The following GPSM1 variants were observed in gnomAD, a reference collection of about 807,000 sequenced individuals.
The protein encoded by GPSM1 is G protein signaling modulator 1, also known as G protein-signaling modulator 1.
Under a neutral mutation model 70.5 loss-of-function variants are expected in GPSM1, and 48 were observed. The ratio of observed to expected loss-of-function variants is 0.68; its 90% CI spans 0.54 to 0.87. The LOEUF (loss-of-function observed/expected upper bound fraction) is 0.87, where lower values mean the gene tolerates loss of function less well. Among genes scored for constraint, GPSM1 ranks in the 40% least tolerant of loss-of-function variants. The pLI is 0.00. For synonymous variants in GPSM1, 416 were observed against 430.1 expected (o/e 0.97, Z 0.41); for missense variants, 981 against 972.6 (o/e 1.01, Z -0.11).
chr9:136,346,124 G>C (rs1301460444), intron 9 of GPSM1, among the ~76,000 whole-genome samples: 2 of 152,132 alleles, frequency 1.3e-5, no homozygotes, highest in African/African-American at 4.8e-5. Context: ...TGGGCCCCAC[G>C]TGTGCCTCTG....
intron 1 of GPSM1, among the ~76,000 whole-genome samples, chr9:136,333,514 C>T (rs1032511631): frequency 6.6e-6 from 1 of 152,124 alleles, no homozygotes; most frequent in Non-Finnish European, 1.5e-5. Flanking sequence ...TGGCAGCTGA[C>T]GCACAGGGTG....
Position 136,343,426 on chromosome 9 carries a change from G to T in GPSM1, c.1207+2433G>T, listed in dbSNP as rs1267126989. Among the ~76,000 whole-genome samples, 1 of 152,238 alleles carries T rather than the reference G, an allele frequency of 6.6e-6. No individual in the cohort carries two copies. Among genetic ancestry groups the T allele is most frequent in the Non-Finnish European group, 1.5e-5 (1 of 68,050 alleles). On this transcript the variant is annotated intron_variant, in intron 9 of 13. Coordinates refer to ENST00000440944, the MANE Select transcript of GPSM1 (RefSeq NM_001145638.3). The surrounding 1 kb of genome is among the most constrained non-coding windows in gnomAD (Gnocchi z 6.0). Reference sequence around the variant, plus strand: ...TGGCCCTGCCTGTCCCACAGGATGTGCGACTGCCCTCGGCCCTGCTGACCG... The same window carrying T: ...TGGCCCTGCCTGTCCCACAGGATGTTCGACTGCCCTCGGCCCTGCTGACCG...
intron 9 of GPSM1, among the ~76,000 whole-genome samples, chr9:136,348,207 C>T (rs1031456726): frequency 3.3e-5 from 5 of 152,328 alleles, no homozygotes; most frequent in Admixed American, 6.5e-5. Flanking sequence ...GAGGCCTTTG[C>T]GTCCCCGACC....
intron 9 of GPSM1, 43 bp from the exon 10 acceptor site, chr9:136,348,654 G>A (rs782513058): frequency 2.7e-6 from 4 of 1,483,822 alleles, no homozygotes; most frequent in South Asian, 2.4e-5. Flanking sequence ...CCAATGCGAG[G>A]TGCCAGGGTG....
intron 9 of GPSM1, among the ~76,000 whole-genome samples, chr9:136,348,402 C>T (rs549922439): frequency 2.8e-3 from 430 of 152,282 alleles, no homozygotes; most frequent in African/African-American, 9.9e-3. Flanking sequence ...GCCCTGTGTG[C>T]GGCAGGGGAG....
intron 10 of GPSM1, 101 bp downstream of exon 10, chr9:136,348,868 C>G (rs1421813613): frequency 1.2e-5 from 10 of 867,194 alleles, no homozygotes; most frequent in Middle Eastern, 2.2e-4. Context: ...CAGCCCCTGT[C>G]TGCTGGGAGA....
rs782213161 is a variant in GPSM1 at position 136,358,136 on chromosome 9, G to A, written c.1944G>A (p.Gln648=). Residue 648 remains glutamine (Q), a synonymous_variant, in exon 14 of 14, where the codon CAG becomes CAA. Coordinates refer to ENST00000440944, the MANE Select transcript of GPSM1 (RefSeq NM_001145638.3). ...TGCAGGCTAAGCGCATGGACGAGCAGCGGGTGGACCTCGCCGGGGGCCCGG... is the reference window on the plus strand; with the variant it reads ...TGCAGGCTAAGCGCATGGACGAGCAACGGGTGGACCTCGCCGGGGGCCCGG... ...QRVQAKRMDE[Q]RVDLAGGPEQ... 1.1e-5 allele frequency: 17 copies of A among 1,610,266 alleles called. No individual in the cohort carries two copies. The highest frequency in any genetic ancestry group is 1.4e-5 in the Non-Finnish European group (16 of 1,178,720).
At chr9:136,353,486 CA>C (rs1832726170) in intron 11 of GPSM1, among the ~76,000 whole-genome samples, 1 of 152,196 alleles carries the variant, frequency 6.6e-6, no homozygotes, top group Non-Finnish European at 1.5e-5. Context: ...CCAGGAGCCC[CA>C]AACTATCCAG....
chr9:136,336,089 G>A lies in GPSM1; in HGVS notation c.414G>A (p.Glu138=), dbSNP rs1554769183. 6.2e-7 allele frequency: 1 copy of A among 1,611,368 alleles called. No homozygotes were observed. Among genetic ancestry groups the A allele is most frequent in the Non-Finnish European group, 8.5e-7 (1 of 1,179,852 alleles). The part of the protein sequence containing the change: ...CCQRHLSIAQ[E]QGDKVGEARA... The stretch of plus-strand genomic sequence containing the variant: ...AGCGGCATCTGAGCATCGCCCAAGA[G>A]CAGGGAGACAAGGTGGGGGCTTGGT... The change falls in exon 3 of 14, where the codon GAG becomes GAA. Residue 138 remains glutamate (E), a synonymous_variant. Transcript: ENST00000440944.
chr9:136,356,813 CCCT>C (rs1242300519), intron 13 of GPSM1, among the ~76,000 whole-genome samples: 2 of 152,196 alleles, frequency 1.3e-5, no homozygotes, highest in Non-Finnish European at 2.9e-5. Context: ...TGTGCCACCC[CCCT>C]GCCATGCAGG....
chr9:136,331,902 C>T, intron 1 of GPSM1: 1 of 397,478 alleles, frequency 2.5e-6, no homozygotes, highest in East Asian at 3.6e-5. Flanking sequence ...ACCCACCATC[C>T]TGGAGGTCAG....
chr9:136,339,908 C>T, intron 8 of GPSM1, 93 bp downstream of exon 8: 1 of 762,998 alleles, frequency 1.3e-6, no homozygotes, highest in East Asian at 2.7e-5. Flanking sequence ...GTGTGCGTGC[C>T]TGGGCCCCCC....
At chr9:136,357,929 T>C (rs1832881036) in intron 13 of GPSM1, 85 bp from the exon 14 acceptor site, 4 of 1,066,050 alleles carry the variant, frequency 3.8e-6, no homozygotes, top group African/African-American at 1.6e-5. Flanking sequence ...CAGTGCACGC[T>C]GGCCTCTGGA....
intron 3 of GPSM1, among the ~76,000 whole-genome samples, chr9:136,336,672 A>T (rs1554769276): frequency 6.6e-6 from 1 of 152,140 alleles, no homozygotes; most frequent in Admixed American, 6.5e-5. Context: ...CAGAGGACAG[A>T]GCTGAGGACC....
chr9:136,341,377 G>A lies in GPSM1; in HGVS notation c.1207+384G>A, dbSNP rs1832387856. On this transcript the variant is annotated intron_variant, in intron 9 of 13. Coordinates refer to ENST00000440944, the MANE Select transcript of GPSM1 (RefSeq NM_001145638.3). The surrounding 1 kb of genome is among the most constrained non-coding windows in gnomAD (Gnocchi z 6.7). ...AGGGCATCAGCCAGAGGGCTGGGCTGGGCTGGGCTGGGCTGGGCTGTGGGA... is the reference window on the plus strand; with the variant it reads ...AGGGCATCAGCCAGAGGGCTGGGCTAGGCTGGGCTGGGCTGGGCTGTGGGA... 7.0e-7 allele frequency: 1 copy of A among 1,427,216 alleles called. No homozygotes were observed. Among genetic ancestry groups the A allele is most frequent in the Admixed American group, 2.9e-5 (1 of 33,936 alleles). 88.4% of individuals were successfully genotyped at this position (1,427,216 alleles called of 1,614,324 possible). A position where few individuals can be genotyped will look rare whatever the true frequency, so the allele number is the denominator to read the frequency against.
intron 11 of GPSM1, chr9:136,354,761 G>A (rs1832767429): frequency 1.6e-5 from 15 of 926,530 alleles, no homozygotes; most frequent in Admixed American, 6.2e-5. Context: ...GGCCCAGGGC[G>A]GGGTTCATTC....
Position 136,343,775 on chromosome 9 carries a change from G to A in GPSM1, c.1207+2782G>A, listed in dbSNP as rs1000117599. Among the ~76,000 whole-genome samples the A allele has an allele frequency of 3.9e-5, 6 of 152,194 alleles. No individual in the cohort carries two copies. The highest frequency in any genetic ancestry group is 2.6e-4 in the Admixed American group (4 of 15,286). On this transcript the variant is annotated intron_variant, in intron 9 of 13. Coordinates refer to ENST00000440944, the MANE Select transcript of GPSM1 (RefSeq NM_001145638.3). This position sits in a 1 kb window ranked among gnomAD's most constrained non-coding sequence, Gnocchi z 6.0. ...GCCTGAGGGCCCGTAAGCCTGTTGCGTTCGGGCCCTGGGTGGACGAGGCAG... is the reference window on the plus strand; with the variant it reads ...GCCTGAGGGCCCGTAAGCCTGTTGCATTCGGGCCCTGGGTGGACGAGGCAG...
At position 136,349,678 on chromosome 9, in the gene GPSM1, A is replaced by T; in HGVS notation, c.1370A>T (p.Glu457Val). The T allele has an allele frequency of 1.3e-6, 2 of 1,555,772 alleles. No homozygotes were observed. Among genetic ancestry groups the T allele is most frequent in the Non-Finnish European group, 1.7e-6 (2 of 1,149,700 alleles). ...CCCGTGAGGAGCAGGAAGTACCAGG[A>T]AGGCCCGGACGCTGAGAGGAGGCCC... is the stretch of plus-strand genomic sequence containing the variant. ...PLPVRSRKYQEGPDAERRPRE... is the reference protein window; with the variant it reads ...PLPVRSRKYQVGPDAERRPRE... The change falls in exon 11 of 14, where the codon GAA (glutamate) becomes GTA (valine). Residue 457 changes from glutamate (E) to valine (V), a missense_variant. Physicochemically the swap from Glu to Val is moderately radical, Grantham distance 121. Transcript: ENST00000440944.
At position 136,359,027 on chromosome 9, in the gene GPSM1, G is replaced by GT. The variant is rs939252732; in HGVS notation, c.*808dup. 1.3e-5 allele frequency: 2 copies of GT among 152,456 alleles called. No individual in the cohort carries two copies. The highest frequency in any genetic ancestry group is 2.9e-5 in the Non-Finnish European group (2 of 68,172). 9.4% of individuals were successfully genotyped at this position (152,456 alleles called of 1,614,324 possible). On this transcript the variant is annotated 3_prime_UTR_variant, in exon 14 of 14. Coordinates refer to ENST00000440944, the MANE Select transcript of GPSM1 (RefSeq NM_001145638.3). ...ACCAGGCTCTGTGACCCTCACCCAA[G>GT]TGGGGGGGTGGTCAGTGGAAGCTGG...
Sources: gnomAD v4.1 joint callset for allele counts (sites outside exome capture counted in the v4.1 genomes callset) on GRCh38, gnomAD v4.1.1 for gene constraint, Gnocchi (gnomAD v3.1) non-coding constraint, MANE v1.5 for transcripts, NCBI Gene and HGNC (gene_info 2026-07-23, HGNC 2026-07-21) for gene names.